Variants in DNAH12 observed in about 807,000 individuals in gnomAD.
The protein encoded by DNAH12 is axonemal beta dynein heavy chain 12.
In DNAH12, 285 loss-of-function variants were observed where a neutral mutation model predicts 371.5. The observed-to-expected ratio is 0.77, with a 90% CI of 0.70 to 0.85. The LOEUF (loss-of-function observed/expected upper bound fraction) is 0.85. DNAH12 is among the 40% of genes least tolerant of loss of function. The pLI is 0.00. For synonymous variants in DNAH12, 1,200 were observed against 1,213.0 expected (o/e 0.99, Z 0.22); for missense variants, 3,611 against 3,689.4 (o/e 0.98, Z 0.55).
At chr3:57,373,782 A>G (rs1332713478) in intron 55 of DNAH12, among the ~76,000 whole-genome samples, 3 of 152,190 alleles carry the variant, frequency 2.0e-5, no homozygotes, top group Non-Finnish European at 2.9e-5. Flanking sequence ...TATAACCAAA[A>G]TATATTCTTT....
chr3:57,432,040 C>A (rs1027668994), intron 32 of DNAH12, among the ~76,000 whole-genome samples: 4 of 152,100 alleles, frequency 2.6e-5, no homozygotes, highest in Non-Finnish European at 4.4e-5. Flanking sequence ...AGACTTCACT[C>A]TACAATTAGA....
chr3:57,465,978 T>G (rs1488730422), intron 17 of DNAH12, among the ~76,000 whole-genome samples: 1 of 152,054 alleles, frequency 6.6e-6, no homozygotes, highest in Non-Finnish European at 1.5e-5. Context: ...TTGGTATAAC[T>G]TCTATGGAGG....
At chr3:57,505,423 T>C (rs972993771) in intron 8 of DNAH12, among the ~76,000 whole-genome samples, 1 of 151,896 alleles carries the variant, frequency 6.6e-6, no homozygotes, top group Non-Finnish European at 1.5e-5. Context: ...CTAATTTTGT[T>C]TTTGGTTTTG....
chr3:57,373,689 G>A (rs2153338227), intron 55 of DNAH12, among the ~76,000 whole-genome samples: 1 of 152,162 alleles, frequency 6.6e-6, no homozygotes, highest in South Asian at 2.1e-4. Context: ...ATGGAAATGG[G>A]TTCTAAAACA....
At chr3:57,327,867 G>T (rs200414534) in intron 62 of DNAH12, among the ~76,000 whole-genome samples, 4 of 115,238 alleles carry the variant, frequency 3.5e-5, no homozygotes, top group African/African-American at 1.3e-4. Context: ...AATAAAAAAT[G>T]ATAAAGGGGA....
intron 60 of DNAH12, among the ~76,000 whole-genome samples, chr3:57,348,606 T>C (rs1553658989): frequency 1.3e-5 from 2 of 152,170 alleles, no homozygotes; most frequent in Non-Finnish European, 2.9e-5. Context: ...ATCTCTATCT[T>C]CTGCTCAGTT....
intron 38 of DNAH12, among the ~76,000 whole-genome samples, chr3:57,414,250 C>A (rs2064296505): frequency 6.6e-6 from 1 of 152,190 alleles, no homozygotes. Context: ...ACAATTGTTA[C>A]ACATGTATAT....
At chr3:57,392,643 T>C (rs2063649358) in intron 44 of DNAH12, among the ~76,000 whole-genome samples, 1 of 152,054 alleles carries the variant, frequency 6.6e-6, no homozygotes, top group African/African-American at 2.4e-5. Context: ...TATTTTGTGC[T>C]ACGGGAAGAT....
intron 32 of DNAH12, among the ~76,000 whole-genome samples, chr3:57,432,653 TA>T (rs1056805497): frequency 3.3e-5 from 5 of 151,730 alleles, no homozygotes; most frequent in East Asian, 1.9e-4. Flanking sequence ...TATATTGATT[TA>T]AAAAAAACAC....
intron 57 of DNAH12, among the ~76,000 whole-genome samples, chr3:57,364,554 G>A (rs1283055010): frequency 6.6e-6 from 1 of 151,848 alleles, no homozygotes; most frequent in Non-Finnish European, 1.5e-5. Flanking sequence ...CTTATTATAG[G>A]CACAGGCAAA....
upstream of DNAH12, among the ~76,000 whole-genome samples, chr3:57,549,340 A>G (rs2069600268): frequency 6.6e-6 from 1 of 151,956 alleles, no homozygotes; most frequent in Non-Finnish European, 1.5e-5. Flanking sequence ...ACATGGTGAA[A>G]CCCCGTCTCT....
Position 57,457,728 on chromosome 3 carries a change from G to A in DNAH12, c.3329C>T (p.Ala1110Val). 2 of 1,548,612 alleles carry A rather than the reference G, an allele frequency of 1.3e-6. No homozygotes were observed. Among genetic ancestry groups the A allele is most frequent in the Non-Finnish European group, 1.7e-6 (2 of 1,144,470 alleles). Residue 1110 changes from alanine to valine, a missense_variant, in exon 22 of 74, where the codon GCC becomes GTC. Physicochemically the swap from Ala to Val is moderately conservative, Grantham distance 64. This residue lies in a region of DNAH12 where 1,314 missense variants were observed against 1,398.7 expected (regional missense o/e 0.94). Coordinates refer to ENST00000495027, the MANE Select transcript of DNAH12 (RefSeq NM_001366028.2). ...AAATCCTAGGAAACACACCAGCCTG[G>A]CTGCAGCGATCACATCGTGAACACT... ...LRSVHDVIAA[A>V]RLAYPESARR...
chr3:57,316,538 C>T (rs2061689217), intron 65 of DNAH12, among the ~76,000 whole-genome samples: 1 of 152,126 alleles, frequency 6.6e-6, no homozygotes, highest in Non-Finnish European at 1.5e-5. Flanking sequence ...GGTGCCAAAT[C>T]CCACCTCCAA....
At chr3:57,446,991 T>C (rs1258199699) in intron 25 of DNAH12, among the ~76,000 whole-genome samples, 1 of 152,020 alleles carries the variant, frequency 6.6e-6, no homozygotes, top group East Asian at 1.9e-4. Context: ...TAATTAGAAG[T>C]GGTTGTGGAG....
intron 44 of DNAH12, among the ~76,000 whole-genome samples, chr3:57,393,625 C>CAAAAAAAAAAAAAAAAA (rs1180952196): frequency 1.6e-5 from 1 of 64,274 alleles, no homozygotes; most frequent in African/African-American, 8.7e-5. Context: ...GACTCTGTCT[C>CAAAAAAAAAAAAAAAAA]AAAAAAAAAA....
chr3:57,378,124 T>G (rs2063319119), intron 52 of DNAH12, among the ~76,000 whole-genome samples: 4 of 152,132 alleles, frequency 2.6e-5, no homozygotes, highest in Admixed American at 2.6e-4. Context: ...GAGAAGACAT[T>G]GTTGCATATT....
Position 57,405,911 on chromosome 3 carries a change from T to C in DNAH12, c.6318A>G (p.Thr2106=), listed in dbSNP as rs369732120. The C allele has an allele frequency of 4.0e-4, 623 of 1,548,256 alleles. 1 individual carries two copies. The African/African-American group carries it at 7.4e-3, about 18-fold the overall frequency. Residue 2106 remains threonine, a synonymous_variant, in exon 41 of 74, where the codon ACA becomes ACG. Coordinates refer to ENST00000495027, the MANE Select transcript of DNAH12 (RefSeq NM_001366028.2). ...GCAAGTTGAAAGTATAATGGGATTT[T>C]GTGGGAGTGGGTAAAAGATTTTCCA... ...QSVENLLPTP[T]KSHYTFNLRD... is the part of the protein sequence containing the mutation.
chr3:57,434,263 G>A (rs1482137817), intron 30 of DNAH12, among the ~76,000 whole-genome samples: 1 of 151,652 alleles, frequency 6.6e-6, no homozygotes, highest in Non-Finnish European at 1.5e-5. Context: ...TAGGTAACTA[G>A]TTCTAACCAA....
intron 32 of DNAH12, 87 bp downstream of exon 32, chr3:57,433,280 A>T: frequency 1.5e-6 from 2 of 1,371,280 alleles, no homozygotes; most frequent in Non-Finnish European, 9.5e-7. Context: ...TGCATCCTTT[A>T]TTTTAAATAG....
Sources: gnomAD v4.1 joint callset for allele counts (sites outside exome capture counted in the v4.1 genomes callset) on GRCh38, gnomAD v4.1.1 for gene constraint, gnomAD v4.1.1 regional missense constraint, MANE v1.5 for transcripts, NCBI Gene and HGNC (gene_info 2026-07-23, HGNC 2026-07-21) for gene names.